KCNA5: variants seen among roughly 807,000 people sequenced by gnomAD.
The protein encoded by KCNA5 is cardiac potassium channel.
A neutral mutation model predicts 26.5 loss-of-function variants in KCNA5; 22 were observed. That is an observed-to-expected ratio of 0.83 (90% CI 0.59 to 1.18). KCNA5 has a LOEUF of 1.18. Ranked by LOEUF, KCNA5 falls within the 50% of genes most tolerant of loss-of-function variation. KCNA5 has a pLI of 0.00. For synonymous variants in KCNA5, 465 were observed against 372.8 expected (o/e 1.25, Z -2.85); for missense variants, 916 against 843.2 (o/e 1.09, Z -1.07).
In KCNA5 at chr12:5,044,473, AC is replaced by A; in HGVS notation, c.328del (p.Gln110ArgfsTer50). 1 of 1,611,980 alleles carries A rather than the reference AC, an allele frequency of 6.2e-7. No individual in the cohort carries two copies. Among genetic ancestry groups the A allele is most frequent in the Non-Finnish European group, 8.5e-7 (1 of 1,179,296 alleles). Reference sequence around the variant, plus strand: ...GATCCCGGCCTGGGCACGGTGGAGGACCAGGCTCTGGGCACGGCGTCCCTGC... The same window carrying A: ...GATCCCGGCCTGGGCACGGTGGAGGACAGGCTCTGGGCACGGCGTCCCTGC... ...EGDPGLGTVE[D>X]QALGTASLHH... On this transcript the variant is annotated frameshift_variant, in exon 1 of 1. Coordinates refer to ENST00000252321, the MANE Select transcript of KCNA5 (RefSeq NM_002234.4). LOFTEE classifies it high-confidence loss of function.
rs1371483941 is a variant in KCNA5, at chr12:5,045,892, C to G, written c.1745C>G (p.Pro582Arg). The change falls in exon 1 of 1, where the codon CCC becomes CGC. Residue 582 changes from proline (P) to arginine (R), a missense_variant. Pro to Arg is a moderately radical substitution (Grantham distance 103). Transcript: ENST00000252321. This position sits in a 1 kb window ranked among gnomAD's most constrained non-coding sequence, Gnocchi z 5.6. The part of the protein sequence containing the change: ...NADSARRGSC[P>R]LEKCNVKAKS... Reference sequence around the variant, plus strand: ...GACAGTGCCCGAAGGGGCAGCTGCCCCCTAGAGAAGTGTAACGTCAAGGCC... The same window carrying G: ...GACAGTGCCCGAAGGGGCAGCTGCCGCCTAGAGAAGTGTAACGTCAAGGCC... 1 of 1,614,068 alleles carries G rather than the reference C, an allele frequency of 6.2e-7. No homozygotes were observed. Among genetic ancestry groups the G allele is most frequent in the South Asian group, 1.1e-5 (1 of 91,082 alleles).
In KCNA5 at chr12:5,043,968, A is replaced by T; in HGVS notation, c.-180A>T. ...GCCAGAAGAGAGAGAGGCAGAGAGC[A>T]GGGCAGCGGCTTCTTGACGTCAGGG... is the stretch of plus-strand genomic sequence containing the variant. On this transcript the variant is annotated 5_prime_UTR_variant, in exon 1 of 1. Transcript: ENST00000252321. 1 of 640,386 alleles carries T rather than the reference A, an allele frequency of 1.6e-6. No individual in the cohort carries two copies. Among genetic ancestry groups the T allele is most frequent in the East Asian group, 2.8e-5 (1 of 36,102 alleles). 39.7% of individuals were successfully genotyped at this position (640,386 alleles called of 1,614,324 possible).
chr12:5,044,407 G>T lies in KCNA5; in HGVS notation c.260G>T (p.Arg87Leu), dbSNP rs71537801. The T allele has an allele frequency of 6.3e-7, 1 of 1,594,346 alleles. No individual in the cohort carries two copies. Among genetic ancestry groups the T allele is most frequent in the Non-Finnish European group, 8.5e-7 (1 of 1,174,328 alleles). ...CCTCCGCTGCCAGAGGAGCTGCCAC[G>T]GCCTCGACGGCCGCCTCCCGAGGAC... is the stretch of plus-strand genomic sequence containing the variant. ...PLPPLPEELP[R>L]PRRPPPEDEE... The change falls in exon 1 of 1, where the codon CGG (arginine) becomes CTG (leucine). Residue 87 changes from arginine to leucine, a missense_variant. Arg to Leu is a moderately radical substitution (Grantham distance 102). Coordinates refer to ENST00000252321, the MANE Select transcript of KCNA5 (RefSeq NM_002234.4).
rs1383675030 is a variant in KCNA5 at position 5,044,326 on chromosome 12, C to T, written c.179C>T (p.Ala60Val). ...APKGRGAQRD[A>V]DSGVRPLPPL... ...AAGGGGCGCGGCGCGCAGAGAGACG[C>T]GGACTCGGGAGTGCGGCCCTTGCCT... Residue 60 changes from alanine to valine, a missense_variant, in exon 1 of 1, where the codon GCG becomes GTG. Ala to Val is a moderately conservative substitution (Grantham distance 64, BLOSUM62 0). Coordinates refer to ENST00000252321, the MANE Select transcript of KCNA5 (RefSeq NM_002234.4). 2.6e-6 allele frequency: 4 copies of T among 1,550,634 alleles called. No homozygotes were observed. The South Asian group carries it at 4.7e-5, about 18-fold the overall frequency.
chr12:5,046,332 G>A lies in KCNA5; in HGVS notation c.*343G>A. 1 of 344,960 alleles carries A rather than the reference G, an allele frequency of 2.9e-6. No individual in the cohort carries two copies. Among genetic ancestry groups the A allele is most frequent in the Non-Finnish European group, 5.7e-6 (1 of 175,170 alleles). 21.4% of individuals were successfully genotyped at this position (344,960 alleles called of 1,614,324 possible). On this transcript the variant is annotated 3_prime_UTR_variant, in exon 1 of 1. Transcript: ENST00000252321. ...AATAGCCCAGATCCCAAGAGATTAT[G>A]TAACTCCTCCATCCATGTGTTCCAA...
Position 5,045,817 on chromosome 12 carries a change from G to A in KCNA5, c.1670G>A (p.Ser557Asn), listed in dbSNP as rs201466058. The change falls in exon 1 of 1, where the codon AGC (serine) becomes AAC (asparagine). Residue 557 changes from serine to asparagine, a missense_variant. Transcript: ENST00000252321. This position sits in a 1 kb window ranked among gnomAD's most constrained non-coding sequence, Gnocchi z 5.6. ...GLDRGVQRKV[S>N]GSRGSFCKAG... ...GACAGAGGAGTCCAGCGGAAGGTCA[G>A]CGGGAGCAGGGGATCCTTCTGCAAG... is the stretch of plus-strand genomic sequence containing the variant. The A allele has an allele frequency of 3.1e-6, 5 of 1,614,136 alleles. No individual in the cohort carries two copies. In the African/African-American group the frequency reaches 4.0e-5, roughly 13 times the overall value.
chr12:5,044,992 TCCGCCACCCTCCGGCGCC>T lies in KCNA5; in HGVS notation c.848_865del (p.Arg283_Pro288del). On this transcript the variant is annotated inframe_deletion, in exon 1 of 1. Coordinates refer to ENST00000252321, the MANE Select transcript of KCNA5 (RefSeq NM_002234.4). The stretch of plus-strand genomic sequence containing the variant: ...GAGTTCAGGGATGAACGTGAGCTGC[TCCGCCACCCTCCGGCGCC>T]CCACCAGCCTCCCGCGCCCGCCCCT... 6.2e-7 allele frequency: 1 copy of T among 1,612,916 alleles called. No homozygotes were observed. The highest frequency in any genetic ancestry group is 1.1e-5 in the South Asian group (1 of 91,056).
chr12:5,044,852 G>T lies in KCNA5; in HGVS notation c.705G>T (p.Gln235His), dbSNP rs773235814. The T allele has an allele frequency of 7.1e-5, 115 of 1,613,946 alleles. No homozygotes were observed. Among genetic ancestry groups the T allele is most frequent in the Non-Finnish European group, 9.4e-5 (111 of 1,180,044 alleles). The change falls in exon 1 of 1, where the codon CAG becomes CAT. Residue 235 changes from glutamine (Q) to histidine (H), a missense_variant. Gln to His is a conservative substitution (Grantham distance 24). Coordinates refer to ENST00000252321, the MANE Select transcript of KCNA5 (RefSeq NM_002234.4). ...KPLPRNEFQR[Q>H]VWLIFEYPES... Reference sequence around the variant, plus strand: ...TGCCCCGCAACGAGTTCCAGCGCCAGGTGTGGCTTATCTTCGAGTATCCGG... The same window carrying T: ...TGCCCCGCAACGAGTTCCAGCGCCATGTGTGGCTTATCTTCGAGTATCCGG...
chr12:5,044,359 C>G lies in KCNA5; in HGVS notation c.212C>G (p.Pro71Arg), dbSNP rs572649186. 5 of 1,549,362 alleles carry G rather than the reference C, an allele frequency of 3.2e-6. No individual in the cohort carries two copies. The highest frequency in any genetic ancestry group is 2.4e-5 in the South Asian group (2 of 84,584). Residue 71 changes from proline (P) to arginine (R), a missense_variant, in exon 1 of 1, where the codon CCG (proline) becomes CGG (arginine). Transcript: ENST00000252321. ...GGAGTGCGGCCCTTGCCTCCGCTGC[C>G]GGACCCGGGAGTGCGGCCCTTGCCT... ...DSGVRPLPPL[P>R]DPGVRPLPPL...
In KCNA5 at chr12:5,044,460, G is replaced by C; in HGVS notation, c.313G>C (p.Gly105Arg). 6.2e-7 allele frequency: 1 copy of C among 1,611,424 alleles called. No individual in the cohort carries two copies. The highest frequency in any genetic ancestry group is 1.1e-5 in the South Asian group (1 of 90,948). Residue 105 changes from glycine (G) to arginine (R), a missense_variant, in exon 1 of 1, where the codon GGC becomes CGC. Physicochemically the swap from Gly to Arg is moderately radical, Grantham distance 125. Transcript: ENST00000252321. ...GGAGGAAGAAGGCGATCCCGGCCTG[G>C]GCACGGTGGAGGACCAGGCTCTGGG... ...DEEEEGDPGL[G>R]TVEDQALGTA... is the part of the protein sequence containing the mutation.
chr12:5,044,839 A>T lies in KCNA5; in HGVS notation c.692A>T (p.Glu231Val). 6.2e-7 allele frequency: 1 copy of T among 1,614,074 alleles called. No homozygotes were observed. Among genetic ancestry groups the T allele is most frequent in the Non-Finnish European group, 8.5e-7 (1 of 1,180,024 alleles). ...GAGGAGAAGCCCCTGCCCCGCAACG[A>T]GTTCCAGCGCCAGGTGTGGCTTATC... ...KEEEKPLPRN[E>V]FQRQVWLIFE... The change falls in exon 1 of 1, where the codon GAG becomes GTG. Residue 231 changes from glutamate (E) to valine (V), a missense_variant. By Grantham distance (121) the Glu-to-Val change is moderately radical. Transcript: ENST00000252321.
Position 5,046,237 on chromosome 12 carries a change from G to C in KCNA5, c.*248G>C, listed in dbSNP as rs1458172958. ...AGGAGCTGTGGAAATGGTGAGCGCTGTGAGATGGATGTATTTGTAGCCAGT... is the reference window on the plus strand; with the variant it reads ...AGGAGCTGTGGAAATGGTGAGCGCTCTGAGATGGATGTATTTGTAGCCAGT... On this transcript the variant is annotated 3_prime_UTR_variant, in exon 1 of 1. Transcript: ENST00000252321. The C allele has an allele frequency of 1.1e-5, 6 of 566,360 alleles. No homozygotes were observed. Among genetic ancestry groups the C allele is most frequent in the Admixed American group, 2.8e-5 (1 of 36,336 alleles). The allele number at this position is 566,360 out of a possible 1,614,324, so 35.1% of individuals were successfully genotyped here.
Position 5,045,661 on chromosome 12 carries a change from T to A in KCNA5, c.1514T>A (p.Val505Asp). 1 of 1,613,574 alleles carries A rather than the reference T, an allele frequency of 6.2e-7. No individual in the cohort carries two copies. Among genetic ancestry groups the A allele is most frequent in the Non-Finnish European group, 8.5e-7 (1 of 1,179,886 alleles). Residue 505 changes from valine to aspartate, a missense_variant, in exon 1 of 1, where the codon GTC becomes GAC. Physicochemically the swap from Val to Asp is radical, Grantham distance 152 (BLOSUM62 -3). Transcript: ENST00000252321. The surrounding 1 kb of genome is among the most constrained non-coding windows in gnomAD (Gnocchi z 5.6). Reference protein sequence around the residue: ...IVGSLCAIAGVLTIALPVPVI... With the variant: ...IVGSLCAIAGDLTIALPVPVI... ...GGCTCGCTGTGTGCCATCGCCGGGG[T>A]CCTCACCATTGCCCTGCCTGTGCCC... is the stretch of plus-strand genomic sequence containing the variant.
Position 5,044,109 on chromosome 12 carries a change from C to T in KCNA5, c.-39C>T, listed in dbSNP as rs147710502. The T allele has an allele frequency of 8.5e-6, 13 of 1,531,702 alleles. No homozygotes were observed. Among genetic ancestry groups the T allele is most frequent in the African/African-American group, 2.7e-5 (2 of 72,870 alleles). 94.9% of individuals were successfully genotyped at this position (1,531,702 alleles called of 1,614,324 possible). A position where few individuals can be genotyped will look rare whatever the true frequency, so the allele number is the denominator to read the frequency against. On this transcript the variant is annotated 5_prime_UTR_variant, in exon 1 of 1. Coordinates refer to ENST00000252321, the MANE Select transcript of KCNA5 (RefSeq NM_002234.4). Reference sequence around the variant, plus strand: ...GAGCGTGAGTAGGGGGCGCGGGAGCCGGTCAGCTGGGGCGCAGCATGCCCT... The same window carrying T: ...GAGCGTGAGTAGGGGGCGCGGGAGCTGGTCAGCTGGGGCGCAGCATGCCCT...
rs1862741663 is a variant in KCNA5, at chr12:5,044,208, G to A, written c.61G>A (p.Glu21Lys). ...TGCCATGACCGTCAGAGGAGGCGAT[G>A]AGGCCCGGGCAGGCTGCGGCCAGGC... ...GGAMTVRGGD[E>K]ARAGCGQATG... Residue 21 changes from glutamate (E) to lysine (K), a missense_variant, in exon 1 of 1, where the codon GAG becomes AAG. Physicochemically the swap from Glu to Lys is moderately conservative, Grantham distance 56. Transcript: ENST00000252321. 6.5e-7 allele frequency: 1 copy of A among 1,537,878 alleles called. No individual in the cohort carries two copies. Among genetic ancestry groups the A allele is most frequent in the South Asian group, 1.2e-5 (1 of 84,042 alleles).
Position 5,045,981 on chromosome 12 carries a change from G to A in KCNA5, c.1834G>A (p.Asp612Asn). Residue 612 changes from aspartate to asparagine, a missense_variant, in exon 1 of 1, where the codon GAT becomes AAT. Transcript: ENST00000252321. The surrounding 1 kb of genome is among the most constrained non-coding windows in gnomAD (Gnocchi z 5.6). ...CTGCCTGGACACCAGCCGGGAAACA[G>A]ATTTGTGAAAGGAGATTCAGGCAGA... is the stretch of plus-strand genomic sequence containing the variant. ...ALCLDTSRETDL is the reference protein window; with the variant it reads ...ALCLDTSRETNL 6.2e-7 allele frequency: 1 copy of A among 1,613,354 alleles called. No individual in the cohort carries two copies. Among genetic ancestry groups the A allele is most frequent in the Non-Finnish European group, 8.5e-7 (1 of 1,180,038 alleles).
rs1862780141 is a variant in KCNA5, at chr12:5,046,509, GT to G, written c.*525del. On this transcript the variant is annotated 3_prime_UTR_variant, in exon 1 of 1. Coordinates refer to ENST00000252321, the MANE Select transcript of KCNA5 (RefSeq NM_002234.4). ...TTATGGAAGAAAGAGTTGTCCTGAT[GT>G]TTTTCTGTGTTACTTATATTAGAGT... The G allele has an allele frequency of 5.1e-6, 1 of 194,300 alleles. No homozygotes were observed. The highest frequency in any genetic ancestry group is 2.4e-5 in the African/African-American group (1 of 42,010). The allele number at this position is 194,300 out of a possible 1,614,324, so 12.0% of individuals were successfully genotyped here. A position where few individuals can be genotyped will look rare whatever the true frequency, so the allele number is the denominator to read the frequency against.
At position 5,043,896 on chromosome 12, in the gene KCNA5, G is replaced by A. The variant is rs779435493; in HGVS notation, c.-252G>A. The A allele has an allele frequency of 1.9e-6, 1 of 534,418 alleles. No homozygotes were observed. Among genetic ancestry groups the A allele is most frequent in the South Asian group, 2.5e-5 (1 of 39,780 alleles). The allele number at this position is 534,418 out of a possible 1,614,324, so 33.1% of individuals were successfully genotyped here. ...GCGCAGCCAGAGAGGGGCGGCTGAA[G>A]GTTGCATCTGCTGGAAGGAGGCTTT... On this transcript the variant is annotated 5_prime_UTR_variant, in exon 1 of 1. Transcript: ENST00000252321.
chr12:5,044,581 TC>T lies in KCNA5; in HGVS notation c.436del (p.Leu146TrpfsTer14). 6.2e-7 allele frequency: 1 copy of T among 1,614,004 alleles called. No individual in the cohort carries two copies. The part of the protein sequence containing the change: ...LGTLAQFPNT[L>X]LGDPAKRLRY... Reference sequence around the variant, plus strand: ...ACCCTGGCGCAGTTCCCCAACACACTCCTGGGGGACCCCGCCAAGCGCCTGC... The same window carrying T: ...ACCCTGGCGCAGTTCCCCAACACACTCTGGGGGACCCCGCCAAGCGCCTGC... On this transcript the variant is annotated frameshift_variant, in exon 1 of 1. Coordinates refer to ENST00000252321, the MANE Select transcript of KCNA5 (RefSeq NM_002234.4). LOFTEE classifies it high-confidence loss of function.
Sources: gnomAD v4.1 joint callset for allele counts on GRCh38, gnomAD v4.1.1 for gene constraint, Gnocchi (gnomAD v3.1) non-coding constraint, MANE v1.5 for transcripts, NCBI Gene and HGNC (gene_info 2026-07-23, HGNC 2026-07-21) for gene names.